PRKN: variants seen among roughly 807,000 people sequenced by gnomAD.
The protein encoded by PRKN is parkin RBR E3 ubiquitin protein ligase, also known as E3 ubiquitin-protein ligase parkin.
In PRKN, 56 loss-of-function variants were observed where a neutral mutation model predicts 59.5. That is an observed-to-expected ratio of 0.94 (90% CI 0.76 to 1.18). The LOEUF (loss-of-function observed/expected upper bound fraction) is 1.18. Ranked by LOEUF, PRKN falls within the 50% of genes most tolerant of loss-of-function variation. The pLI is 0.00. For missense variants in PRKN, 657 were observed against 596.4 expected (o/e 1.10, Z -1.06); for synonymous variants, 250 against 222.1 (o/e 1.13, Z -1.12).
In PRKN at chr6:162,568,486, G is replaced by A. The variant is rs889998328; in HGVS notation, c.8-125013C>T. The A allele has an allele frequency of 1.2e-5, 8 of 666,186 alleles. No homozygotes were observed. The African/African-American group carries it at 1.3e-4, about 10-fold the overall frequency. 41.3% of individuals were successfully genotyped at this position (666,186 alleles called of 1,614,324 possible). The stretch of plus-strand genomic sequence containing the variant: ...GGCTCTGGTGGGGCCGGCGGCATGG[G>A]AGGCATCACCGCCGTTGTGGTCAAC... On this transcript the variant is annotated intron_variant, in intron 1 of 11. Transcript: ENST00000366898.
intron 6 of PRKN, among the ~76,000 whole-genome samples, chr6:161,827,509 C>CTTTTTT (rs5881438): frequency 2.4e-5 from 3 of 124,920 alleles, no homozygotes; most frequent in African/African-American, 6.2e-5. Context: ...ATTGATTTTA[C>CTTTTTT]TTTTTTTTTT....
At chr6:162,250,099 TCA>T (rs1779364777) in intron 3 of PRKN, among the ~76,000 whole-genome samples, 1 of 148,428 alleles carries the variant, frequency 6.7e-6, no homozygotes, top group South Asian at 2.2e-4. Flanking sequence ...TGAGCCGAGA[TCA>T]CACCACAGGA....
chr6:162,512,852 A>T (rs1777689003), intron 1 of PRKN, among the ~76,000 whole-genome samples: 1 of 152,204 alleles, frequency 6.6e-6, no homozygotes, highest in Non-Finnish European at 1.5e-5. Context: ...GAAAAATGAG[A>T]AAACATTGCA....
intron 4 of PRKN, among the ~76,000 whole-genome samples, chr6:162,168,794 C>T (rs545773940): frequency 5.9e-5 from 9 of 151,924 alleles, no homozygotes; most frequent in African/African-American, 1.2e-4. Flanking sequence ...AGGTTTGTGA[C>T]CAGAATCTAT....
At chr6:162,524,622 T>G (rs1050769989) in intron 1 of PRKN, among the ~76,000 whole-genome samples, 2 of 152,160 alleles carry the variant, frequency 1.3e-5, no homozygotes, top group Non-Finnish European at 2.9e-5. Flanking sequence ...CAAAAACAAC[T>G]GATGCATTGT....
intron 2 of PRKN, among the ~76,000 whole-genome samples, chr6:162,268,977 G>T (rs1388904237): frequency 6.6e-6 from 1 of 150,528 alleles, no homozygotes; most frequent in South Asian, 2.1e-4. Context: ...GATTAGTCCA[G>T]TGTGATTTTA....
At chr6:162,648,927 G>A (rs944700770) in intron 1 of PRKN, among the ~76,000 whole-genome samples, 2 of 152,040 alleles carry the variant, frequency 1.3e-5, no homozygotes, top group Admixed American at 1.3e-4. Flanking sequence ...AAAACTTGGG[G>A]GTCCTCATCT....
intron 10 of PRKN, among the ~76,000 whole-genome samples, chr6:161,368,290 T>C (rs1417135678): frequency 1.5e-5 from 1 of 68,022 alleles, no homozygotes; most frequent in Non-Finnish European, 2.9e-5. Context: ...TATATATTTA[T>C]ATATATTTAT....
chr6:161,967,062 C>A (rs576407826), intron 6 of PRKN, among the ~76,000 whole-genome samples: 2 of 152,176 alleles, frequency 1.3e-5, no homozygotes, highest in African/African-American at 4.8e-5. Flanking sequence ...GAACTCCTGA[C>A]CTCGTGATCT....
At chr6:161,803,037 C>T (rs142537825) in intron 6 of PRKN, among the ~76,000 whole-genome samples, 1 of 152,316 alleles carries the variant, frequency 6.6e-6, no homozygotes, top group East Asian at 1.9e-4. Flanking sequence ...ATGTGAAAGA[C>T]ACCCTCCTTG....
intron 1 of PRKN, among the ~76,000 whole-genome samples, chr6:162,602,583 CAAA>C (rs1781755155): frequency 6.6e-6 from 1 of 152,120 alleles, no homozygotes; most frequent in South Asian, 2.1e-4. Flanking sequence ...AAAGCAGGAA[CAAA>C]AAGACACAAA....
rs1787425808 is a variant in PRKN at position 161,409,457 on chromosome 6, T to C, written c.1084-22580A>G. Reference sequence around the variant, plus strand: ...AGTGTGCTGACACTAATACATAAAATGCGGAAGGACCCAGTCTTTCCAGAG... The same window carrying C: ...AGTGTGCTGACACTAATACATAAAACGCGGAAGGACCCAGTCTTTCCAGAG... On this transcript the variant is annotated intron_variant, in intron 9 of 11. Transcript: ENST00000366898. This position sits in a 1 kb window ranked among gnomAD's most constrained non-coding sequence, Gnocchi z 4.6. 6.6e-6 allele frequency among the ~76,000 whole-genome samples: 1 copy of C among 152,026 alleles called. No homozygotes were observed. The highest frequency in any genetic ancestry group is 2.1e-4 in the South Asian group (1 of 4,822).
chr6:162,618,679 A>G (rs1782530136), intron 1 of PRKN, among the ~76,000 whole-genome samples: 1 of 152,244 alleles, frequency 6.6e-6, no homozygotes, highest in Non-Finnish European at 1.5e-5. Flanking sequence ...ATGAAAGGCC[A>G]TAATGTTCTT....
intron 7 of PRKN, among the ~76,000 whole-genome samples, chr6:161,728,264 A>G (rs1436239103): frequency 3.9e-5 from 6 of 152,030 alleles, no homozygotes; most frequent in Non-Finnish European, 7.4e-5. Flanking sequence ...AACATTCCAC[A>G]CCTATAGAAA....
intron 2 of PRKN, among the ~76,000 whole-genome samples, chr6:162,287,530 T>G (rs527946521): frequency 2.2e-4 from 33 of 152,208 alleles, no homozygotes; most frequent in Middle Eastern, 3.4e-3. Flanking sequence ...ATCATGCCAC[T>G]GCACTCCAGC....
chr6:161,853,119 T>C (rs1378433214), intron 6 of PRKN, among the ~76,000 whole-genome samples: 1 of 152,224 alleles, frequency 6.6e-6, no homozygotes, highest in Non-Finnish European at 1.5e-5. Flanking sequence ...ACTTGAGAAC[T>C]GAAAGTTGGA....
At chr6:162,598,810 G>A (rs896234014) in intron 1 of PRKN, among the ~76,000 whole-genome samples, 6 of 137,528 alleles carry the variant, frequency 4.4e-5, no homozygotes, top group East Asian at 2.4e-4. Context: ...CTGACATCAC[G>A]CCACTGCACT....
chr6:161,708,234 T>A (rs116512044), intron 7 of PRKN, among the ~76,000 whole-genome samples: 2,094 of 152,238 alleles, frequency 0.014, 56 homozygotes, highest in African/African-American at 0.048. Flanking sequence ...GTGAATTTTT[T>A]AAAAAATCCT....
At position 161,548,069 on chromosome 6, in the gene PRKN, T is replaced by A. The variant is rs926972595; in HGVS notation, c.1083+785A>T. Among the ~76,000 whole-genome samples the A allele has an allele frequency of 6.6e-6, 1 of 152,248 alleles. No individual in the cohort carries two copies. The highest frequency in any genetic ancestry group is 6.5e-5 in the Admixed American group (1 of 15,292). On this transcript the variant is annotated intron_variant, in intron 9 of 11. Coordinates refer to ENST00000366898, the MANE Select transcript of PRKN (RefSeq NM_004562.3). This position sits in a 1 kb window ranked among gnomAD's most constrained non-coding sequence, Gnocchi z 4.2. ...CACAAAACTCCTCATGAAGTTGCAA[T>A]TTTAAAAGAAATGTTTCTCATCAAA...
Sources: gnomAD v4.1 joint callset for allele counts (sites outside exome capture counted in the v4.1 genomes callset) on GRCh38, gnomAD v4.1.1 for gene constraint, Gnocchi (gnomAD v3.1) non-coding constraint, MANE v1.5 for transcripts, NCBI Gene and HGNC (gene_info 2026-07-23, HGNC 2026-07-21) for gene names.